CLASP1: variants seen among roughly 807,000 people sequenced by gnomAD.
CLASP1 encodes the protein CLIP-associating protein 1.
CLASP1 carries 38 observed loss-of-function variants against 192.3 expected under a neutral mutation model. The ratio of observed to expected loss-of-function variants is 0.20; its 90% CI spans 0.15 to 0.26. CLASP1 has a LOEUF of 0.26. Ranked by LOEUF, CLASP1 falls within the 10% of genes least tolerant of loss-of-function variation. The probability of loss-of-function intolerance (pLI) is 1.00; values close to 1 mark genes in which losing one functional copy is unlikely to be tolerated. For missense variants in CLASP1, 1,433 were observed against 1,932.5 expected (o/e 0.74, Z 4.85); for synonymous variants, 691 against 712.8 (o/e 0.97, Z 0.49).
intron 8 of CLASP1, among the ~76,000 whole-genome samples, chr2:121,497,552 C>T (rs755757959): frequency 4.1e-4 from 62 of 151,906 alleles, no homozygotes; most frequent in Non-Finnish European, 7.5e-4. Context: ...ATTATAGCCA[C>T]GGATATGTGT....
In CLASP1 at chr2:121,394,181, G is replaced by A. The variant is rs148171959; in HGVS notation, c.3123+2959C>T. ...TATCACTCCCATGATTGTGTTACAC[G>A]GCAGAAGTGATTTTCAAAAATGTAA... On this transcript the variant is annotated intron_variant, in intron 30 of 39. Coordinates refer to ENST00000263710, the Ensembl canonical transcript of CLASP1. Among the ~76,000 whole-genome samples the A allele has an allele frequency of 8.9e-4, 135 of 152,222 alleles. 2 individuals are homozygous for A. Among genetic ancestry groups the A allele is most frequent in the African/African-American group, 3.0e-3 (124 of 41,528 alleles).
chr2:121,437,392 G>C (rs1264603109), intron 19 of CLASP1, among the ~76,000 whole-genome samples: 2 of 152,030 alleles, frequency 1.3e-5, no homozygotes, highest in Non-Finnish European at 2.9e-5. Flanking sequence ...TTCTTTAACT[G>C]TTAAGACAAT....
At chr2:121,430,422 G>C (rs2081191835) in intron 19 of CLASP1, among the ~76,000 whole-genome samples, 1 of 152,236 alleles carries the variant, frequency 6.6e-6, no homozygotes, top group Non-Finnish European at 1.5e-5. Context: ...TGGAGCCATG[G>C]ACCTGCAGCT....
chr2:121,622,396 C>T (rs1053080640), intron 1 of CLASP1, among the ~76,000 whole-genome samples: 1 of 151,276 alleles, frequency 6.6e-6, no homozygotes, highest in African/African-American at 2.4e-5. Flanking sequence ...CATGGAGAAA[C>T]CTAGTCTCTA....
intron 32 of CLASP1, 92 bp downstream of exon 33, chr2:121,387,030 T>G: frequency 9.7e-7 from 1 of 1,027,064 alleles, no homozygotes; most frequent in Admixed American, 2.0e-5. Context: ...TTTTTGTTAT[T>G]TAGCTTAGTC....
At chr2:121,469,781 A>T (rs903558056) in intron 9 of CLASP1, 27 bp downstream of exon 9, 21 of 1,590,858 alleles carry the variant, frequency 1.3e-5, no homozygotes, top group Non-Finnish European at 1.7e-5. Context: ...AGCTGACCCC[A>T]GAACGCCACA....
At position 121,371,200 on chromosome 2, in the gene CLASP1, A is replaced by AGTGTGT. The variant is rs60214641; in HGVS notation, c.3643-3375_3643-3370dup. ...AGTATCATTTTTTGGGCACATATTAAGTGTGTGTGTGTGTGTGTGTATATA... is the reference window on the plus strand; with the variant it reads ...AGTATCATTTTTTGGGCACATATTAAGTGTGTGTGTGTGTGTGTGTGTGTGTATATA... On this transcript the variant is annotated intron_variant, in intron 34 of 39. Coordinates refer to ENST00000263710, the Ensembl canonical transcript of CLASP1. 7.6e-3 allele frequency among the ~76,000 whole-genome samples: 1,146 copies of AGTGTGT among 150,434 alleles called. 8 individuals are homozygous for AGTGTGT. The highest frequency in any genetic ancestry group is 0.012 in the Non-Finnish European group (831 of 67,478).
At chr2:121,564,514 C>G (rs1315467758) in intron 2 of CLASP1, among the ~76,000 whole-genome samples, 1 of 152,202 alleles carries the variant, frequency 6.6e-6, no homozygotes, top group African/African-American at 2.4e-5. Context: ...GATTTATCAC[C>G]TGTACTCACA....
chr2:121,501,305 T>C (rs544978678), intron 8 of CLASP1, among the ~76,000 whole-genome samples: 1 of 152,194 alleles, frequency 6.6e-6, no homozygotes, highest in Non-Finnish European at 1.5e-5. Flanking sequence ...AAAAGCCACA[T>C]GTCCAGCAAC....
chr2:121,631,691 G>A (rs530535180), intron 1 of CLASP1, among the ~76,000 whole-genome samples: 6 of 151,914 alleles, frequency 3.9e-5, no homozygotes, highest in South Asian at 2.1e-4. Context: ...TGGGAGGATC[G>A]CTTGAGCTCA....
chr2:121,397,586 G>A (rs1244066118), intron 29 of CLASP1, among the ~76,000 whole-genome samples: 1 of 152,192 alleles, frequency 6.6e-6, no homozygotes, highest in South Asian at 2.1e-4. Context: ...CCCTTGAGAG[G>A]GGCCCGTGGG....
chr2:121,474,859 A>G (rs960818907), intron 8 of CLASP1, among the ~76,000 whole-genome samples: 1 of 152,236 alleles, frequency 6.6e-6, no homozygotes, highest in African/African-American at 2.4e-5. Context: ...AAGCTTACTT[A>G]GCTGATTTCC....
At chr2:121,467,472 T>C (rs903719285) in intron 9 of CLASP1, among the ~76,000 whole-genome samples, 1 of 152,172 alleles carries the variant, frequency 6.6e-6, no homozygotes, top group African/African-American at 2.4e-5. Flanking sequence ...CCAGCATCTA[T>C]TGTTTTTCTG....
At chr2:121,586,310 A>G (rs1214960780) in intron 2 of CLASP1, among the ~76,000 whole-genome samples, 2 of 152,130 alleles carry the variant, frequency 1.3e-5, no homozygotes, top group African/African-American at 4.8e-5. Context: ...TATTTTTAAT[A>G]GAGATGGGGT....
chr2:121,590,867 A>ATT (rs10712368), intron 2 of CLASP1, among the ~76,000 whole-genome samples: 17 of 135,726 alleles, frequency 1.3e-4, no homozygotes, highest in South Asian at 4.6e-4. Context: ...AAATTATTTG[A>ATT]TTTTTTTTTT....
At position 121,411,977 on chromosome 2, in the gene CLASP1, A is replaced by C. The variant is rs185541735; in HGVS notation, c.2321-1008T>G. Among the ~76,000 whole-genome samples, 3 of 152,348 alleles carry C rather than the reference A, an allele frequency of 2.0e-5. No homozygotes were observed. The East Asian group carries it at 5.8e-4, about 29-fold the overall frequency. On this transcript the variant is annotated intron_variant, in intron 23 of 39. Transcript: ENST00000263710. ...TTAACAAATAAGACTTCGTTTGGAC[A>C]ACGAAAATCTCTATGTTAGCTATAT... is the stretch of plus-strand genomic sequence containing the variant.
chr2:121,410,877 C>G, exon 24 of CLASP1: 1 of 1,606,726 alleles, frequency 6.2e-7, no homozygotes, highest in Non-Finnish European at 8.5e-7. Flanking sequence ...AAAGCATCAG[C>G]AACAGCAGCT....
At chr2:121,488,000 T>C (rs926233515) in intron 8 of CLASP1, among the ~76,000 whole-genome samples, 3 of 152,130 alleles carry the variant, frequency 2.0e-5, no homozygotes, top group Non-Finnish European at 4.4e-5. Flanking sequence ...ACCCCCACTG[T>C]TGTTTTGTTT....
chr2:121,356,537 G>A (rs2065422367), intron 37 of CLASP1, among the ~76,000 whole-genome samples: 1 of 152,070 alleles, frequency 6.6e-6, no homozygotes. Context: ...GCGAGCTTGG[G>A]GTAAATTTCT....
Sources: gnomAD v4.1 joint callset for allele counts (sites outside exome capture counted in the v4.1 genomes callset) on GRCh38, gnomAD v4.1.1 for gene constraint, MANE v1.5 for transcripts, NCBI Gene and HGNC (gene_info 2026-07-23, HGNC 2026-07-21) for gene names.